The following LHFPL5 variants were observed in gnomAD, a reference collection of about 807,000 sequenced individuals.
LHFPL5 encodes LHFPL tetraspan subfamily member 5.
LHFPL5 carries 12 observed loss-of-function variants against 18.7 expected under a neutral mutation model. That is an observed-to-expected ratio of 0.64 (90% confidence interval 0.41 to 1.04). The LOEUF (loss-of-function observed/expected upper bound fraction) is 1.04, where lower values mean the gene tolerates loss of function less well. LHFPL5 is among the 50% of genes least tolerant of loss of function. The pLI is 0.00. For synonymous variants in LHFPL5, 111 were observed against 120.2 expected, an observed-to-expected ratio of 0.92 and a Z score of 0.50; for missense variants, 259 against 292.1, an observed-to-expected ratio of 0.89 and a Z score of 0.83.
chr6:35,808,857 A>G (rs1561951927), intron 1 of LHFPL5, among the ~76,000 whole-genome samples: 1 of 151,916 alleles, frequency 6.6e-6, no homozygotes, highest in Non-Finnish European at 1.5e-5. Context: ...ATCTGGGTAG[A>G]AAAGCTGGAG....
chr6:35,821,665 G>C (rs1188626521), intron 3 of LHFPL5, among the ~76,000 whole-genome samples: 1 of 151,614 alleles, frequency 6.6e-6, no homozygotes, highest in Non-Finnish European at 1.5e-5. Flanking sequence ...ATTTTTAGTA[G>C]AGACGGGGTT....
chr6:35,818,335 ATATATATATATATGTATTTTTTTTT>A (rs1258910117), intron 2 of LHFPL5, among the ~76,000 whole-genome samples: 5 of 7,658 alleles, frequency 6.5e-4, no homozygotes, highest in African/African-American at 1.2e-3. Flanking sequence ...ATATATATAT[ATATATATATATATGTATTTTTTTTT>A]TTTTTTTTTT....
At chr6:35,812,531 TG>T (rs1192872612) in intron 1 of LHFPL5, among the ~76,000 whole-genome samples, 1 of 151,582 alleles carries the variant, frequency 6.6e-6, no homozygotes, top group Non-Finnish European at 1.5e-5. Flanking sequence ...ATGGAAGAAG[TG>T]GGGGGAAAGT....
chr6:35,809,208 T>A (rs1768624677), intron 1 of LHFPL5, among the ~76,000 whole-genome samples: 1 of 152,158 alleles, frequency 6.6e-6, no homozygotes, highest in East Asian at 1.9e-4. Context: ...AAACTGCTTG[T>A]CTTCTCTGAG....
At chr6:35,815,047 A>G (rs1199435060) in intron 2 of LHFPL5, among the ~76,000 whole-genome samples, 2 of 152,306 alleles carry the variant, frequency 1.3e-5, no homozygotes, top group Middle Eastern at 3.4e-3. Context: ...GCTGCAATCC[A>G]GCCTTGGGGG....
chr6:35,805,878 G>A lies in LHFPL5; in HGVS notation c.208G>A (p.Gly70Ser), dbSNP rs756259382. 1 of 1,614,202 alleles carries A rather than the reference G, an allele frequency of 6.2e-7. No individual in the cohort carries two copies. Among genetic ancestry groups the A allele is most frequent in the South Asian group, 1.1e-5 (1 of 91,086 alleles). ...CTTCGGCCTTTTCTCCTACTGCGTG[G>A]GTAACGTGCTGTCCTCCGAGCTCAT... ...GYFGLFSYCVGNVLSSELICK... is the reference protein window; with the variant it reads ...GYFGLFSYCVSNVLSSELICK... The change falls in exon 1 of 4, where the codon GGT becomes AGT. Residue 70 changes from glycine (G) to serine (S), a missense_variant. Gly to Ser is a moderately conservative substitution (Grantham distance 56). Coordinates refer to ENST00000360215, the MANE Select transcript of LHFPL5 (RefSeq NM_182548.4). This position sits in a 1 kb window ranked among gnomAD's most constrained non-coding sequence, Gnocchi z 4.3.
At chr6:35,821,857 ATTTTTTTTTTTTTTTTTTT>A (rs763639486) in intron 3 of LHFPL5, among the ~76,000 whole-genome samples, 14 of 39,168 alleles carry the variant, frequency 3.6e-4, no homozygotes, top group African/African-American at 4.4e-4. Context: ...GTGTACCACA[ATTTTTTTTTTTTTTTTTTT>A]TTTTTTTTTT....
chr6:35,819,680 GT>G (rs1768829812), intron 3 of LHFPL5: 3 of 559,602 alleles, frequency 5.4e-6, no homozygotes, highest in Non-Finnish European at 9.3e-6. Context: ...TTTTACCTGT[GT>G]CTTTTTTTTT....
intron 1 of LHFPL5, among the ~76,000 whole-genome samples, chr6:35,809,800 G>A (rs76348680): frequency 0.014 from 2,178 of 152,196 alleles, 51 homozygotes; most frequent in African/African-American, 0.05. Context: ...CACCGCACCC[G>A]GCCTTATTAT....
Position 35,821,857 on chromosome 6 carries a change from A to ATTTTTTTTTTTTTTTT in LHFPL5, c.*17-1106_*17-1091dup, listed in dbSNP as rs763639486. Among the ~76,000 whole-genome samples the ATTTTTTTTTTTTTTTT allele has an allele frequency of 5.1e-4, 20 of 39,164 alleles. 5 individuals carry two copies. The highest frequency in any genetic ancestry group is 8.0e-4 in the Non-Finnish European group (17 of 21,300). 25.7% of individuals were successfully genotyped at this position (39,164 alleles called of 152,430 possible). On this transcript the variant is annotated intron_variant, in intron 3 of 3. Transcript: ENST00000360215. ...AACTCCACAGCACTGGTGTACCACA[A>ATTTTTTTTTTTTTTTT]TTTTTTTTTTTTTTTTTTTTTTTTT... is the stretch of plus-strand genomic sequence containing the variant.
intron 3 of LHFPL5, 125 bp from the exon 4 acceptor site, chr6:35,822,857 G>A (rs537544799): frequency 2.0e-5 from 3 of 152,248 alleles, no homozygotes; most frequent in Admixed American, 6.5e-5. Flanking sequence ...TGATCCACCC[G>A]GCTTGGCCTC....
At chr6:35,816,209 G>A (rs1487266212) in intron 2 of LHFPL5, among the ~76,000 whole-genome samples, 5 of 150,032 alleles carry the variant, frequency 3.3e-5, no homozygotes, top group Admixed American at 1.3e-4. Context: ...AGCTGGGTGC[G>A]GTGGCTCGCA....
At chr6:35,819,506 G>C in intron 3 of LHFPL5, 43 bp downstream of exon 3, 2 of 1,585,116 alleles carry the variant, frequency 1.3e-6, no homozygotes, top group South Asian at 2.2e-5. Flanking sequence ...CCCTTAGAAA[G>C]GCTGGGGCTC....
intron 1 of LHFPL5, among the ~76,000 whole-genome samples, chr6:35,808,940 G>A (rs1439025056): frequency 6.6e-6 from 1 of 152,170 alleles, no homozygotes; most frequent in Admixed American, 6.5e-5. Context: ...CTGGTGTCAT[G>A]TTCCATTCTG....
At chr6:35,818,339 A>ATTT (rs1768800371) in intron 2 of LHFPL5, among the ~76,000 whole-genome samples, 1 of 27,864 alleles carries the variant, frequency 3.6e-5, no homozygotes, top group African/African-American at 2.3e-4. Flanking sequence ...ATATATATAT[A>ATTT]TATATATATG....
intron 2 of LHFPL5, among the ~76,000 whole-genome samples, chr6:35,816,239 G>A (rs1394576461): frequency 2.9e-4 from 43 of 150,378 alleles, no homozygotes; most frequent in African/African-American, 6.4e-4. Flanking sequence ...CCAGCTACTC[G>A]GGAGGCTGAG....
At chr6:35,816,970 C>T (rs1472847723) in intron 2 of LHFPL5, among the ~76,000 whole-genome samples, 1 of 152,084 alleles carries the variant, frequency 6.6e-6, no homozygotes, top group Non-Finnish European at 1.5e-5. Context: ...AATTGAACCC[C>T]TACCTCACAC....
chr6:35,813,163 C>T (rs1179522363), intron 1 of LHFPL5, among the ~76,000 whole-genome samples: 2 of 151,866 alleles, frequency 1.3e-5, no homozygotes, highest in Non-Finnish European at 1.5e-5. Flanking sequence ...CCCAGCTTTT[C>T]CTACTGAGAA....
rs57581979 is a variant in LHFPL5, at chr6:35,823,477, ACT to A, written c.*526_*527del. On this transcript the variant is annotated 3_prime_UTR_variant, in exon 4 of 4. Coordinates refer to ENST00000360215, the MANE Select transcript of LHFPL5 (RefSeq NM_182548.4). ...CACACACACACACACACACACACACACTCTCTCTCTCTCTCAAACACACACAA... is the reference window on the plus strand; with the variant it reads ...CACACACACACACACACACACACACACTCTCTCTCTCTCAAACACACACAA... The A allele has an allele frequency of 3.1e-4, 43 of 140,830 alleles. No individual in the cohort carries two copies. Among genetic ancestry groups the A allele is most frequent in the Non-Finnish European group, 5.2e-4 (34 of 64,904 alleles). The allele number at this position is 140,830 out of a possible 1,614,324, so 8.7% of individuals were successfully genotyped here. A position where few individuals can be genotyped will look rare whatever the true frequency, so the allele number is the denominator to read the frequency against.
Sources: gnomAD v4.1 joint callset for allele counts (sites outside exome capture counted in the v4.1 genomes callset) on GRCh38, gnomAD v4.1.1 for gene constraint, Gnocchi (gnomAD v3.1) non-coding constraint, MANE v1.5 for transcripts, NCBI Gene and HGNC (gene_info 2026-07-23, HGNC 2026-07-21) for gene names.